Variants in NFILZ observed in about 807,000 individuals in gnomAD.
NFILZ encodes the protein NFIL3 like basic leucine zipper.
chr19:8,664,393 G>A (rs2043052030), intron 3 of NFILZ, among the ~76,000 whole-genome samples: 1 of 152,068 alleles, frequency 6.6e-6, no homozygotes, highest in Admixed American at 6.6e-5. Flanking sequence ...CCTGTTCCTG[G>A]CACTCGGGAC....
At chr19:8,652,998 TCCTTCCTTC>T (rs2042973401) in intron 3 of NFILZ, among the ~76,000 whole-genome samples, 19 of 26,032 alleles carry the variant, frequency 7.3e-4, no homozygotes, top group African/African-American at 2.5e-3. Flanking sequence ...CTTCCTTCCT[TCCTTCCTTC>T]CTTCCTTTCT....
chr19:8,676,623 C>A (rs2043111314), intron 5 of NFILZ, among the ~76,000 whole-genome samples, 128 bp from the exon 6 acceptor site: 1 of 152,214 alleles, frequency 6.6e-6, no homozygotes, highest in African/African-American at 2.4e-5. Context: ...GAACCTTGGT[C>A]TCCAGCTCAG....
chr19:8,646,007 G>A (rs2042937494), intron 3 of NFILZ, among the ~76,000 whole-genome samples: 1 of 152,094 alleles, frequency 6.6e-6, no homozygotes, highest in Non-Finnish European at 1.5e-5. Context: ...ACATTGTATA[G>A]CTCCTACTAC....
At chr19:8,650,733 A>G in intron 3 of NFILZ, among the ~76,000 whole-genome samples, 1 of 151,930 alleles carries the variant, frequency 6.6e-6, no homozygotes. Flanking sequence ...ATTGATGCTG[A>G]TAGAATATGA....
chr19:8,647,582 C>CT (rs1386380299), intron 3 of NFILZ, among the ~76,000 whole-genome samples: 1 of 147,978 alleles, frequency 6.8e-6, no homozygotes, highest in African/African-American at 2.5e-5. Context: ...CCGCACCCCC[C>CT]CCCCCAAAAA....
intron 3 of NFILZ, among the ~76,000 whole-genome samples, chr19:8,654,990 C>A (rs1555748173): frequency 6.6e-6 from 1 of 152,230 alleles, no homozygotes; most frequent in Non-Finnish European, 1.5e-5. Context: ...CAGGTTCCTG[C>A]CGACTCTTAC....
At chr19:8,651,928 T>C (rs2042966338) in intron 3 of NFILZ, among the ~76,000 whole-genome samples, 1 of 152,122 alleles carries the variant, frequency 6.6e-6, no homozygotes, top group African/African-American at 2.4e-5. Context: ...CTATCTACTT[T>C]CATTTGGAGA....
chr19:8,649,943 C>T (rs932472651), intron 3 of NFILZ, among the ~76,000 whole-genome samples: 6 of 151,620 alleles, frequency 4.0e-5, no homozygotes, highest in Admixed American at 2.0e-4. Context: ...GGTGAAACCC[C>T]GTCTGTACTA....
At chr19:8,667,660 G>C (rs2043068437) in intron 3 of NFILZ, among the ~76,000 whole-genome samples, 1 of 152,054 alleles carries the variant, frequency 6.6e-6, no homozygotes, top group Non-Finnish European at 1.5e-5. Flanking sequence ...TGATTCTCCT[G>C]CCTCAGCCTC....
intron 3 of NFILZ, among the ~76,000 whole-genome samples, chr19:8,652,969 C>CTCCT (rs1207071930): frequency 9.6e-5 from 11 of 114,022 alleles, no homozygotes; most frequent in African/African-American, 3.7e-4. Flanking sequence ...CCTTCCTTCC[C>CTCCT]TCCTTCCTTC....
At chr19:8,640,060 C>T (rs942818665) in intron 3 of NFILZ, among the ~76,000 whole-genome samples, 1 of 152,080 alleles carries the variant, frequency 6.6e-6, no homozygotes, top group Non-Finnish European at 1.5e-5. Flanking sequence ...CTGTGGGAAG[C>T]CTGGTGCCCT....
intron 3 of NFILZ, among the ~76,000 whole-genome samples, chr19:8,640,936 A>G (rs1432079181): frequency 1.3e-5 from 2 of 151,954 alleles, no homozygotes; most frequent in African/African-American, 4.9e-5. Context: ...TCAAGCCTGG[A>G]AGAAGACCAG....
chr19:8,633,942 CCT>C (rs2042883127), intron 2 of NFILZ, among the ~76,000 whole-genome samples: 3 of 135,124 alleles, frequency 2.2e-5, no homozygotes, highest in African/African-American at 5.6e-5. Context: ...TTCCTTCCTT[CCT>C]TCCCTCCCTT....
chr19:8,648,023 A>T (rs1293582907), intron 3 of NFILZ, among the ~76,000 whole-genome samples: 2 of 151,670 alleles, frequency 1.3e-5, no homozygotes, highest in South Asian at 2.1e-4. Context: ...ATACAAAAAA[A>T]ATTAGCCGGG....
intron 3 of NFILZ, among the ~76,000 whole-genome samples, chr19:8,637,930 A>AG (rs1568417300): frequency 6.7e-6 from 1 of 149,324 alleles, no homozygotes; most frequent in East Asian, 1.9e-4. Context: ...AAAAAAAAAA[A>AG]AAAAGAAAAG....
intron 3 of NFILZ, among the ~76,000 whole-genome samples, chr19:8,651,731 CGAT>C (rs1401574105): frequency 2.0e-5 from 3 of 151,972 alleles, no homozygotes; most frequent in South Asian, 4.2e-4. Context: ...GGGGATCTCA[CGAT>C]GTTTTCCAGG....
rs2043125961 is a variant in NFILZ, at chr19:8,678,155, A to ATCCG, written c.*523_*524insGTCC. On this transcript the variant is annotated 3_prime_UTR_variant, in exon 6 of 6. Coordinates refer to ENST00000691075, the MANE Select transcript of NFILZ (RefSeq NM_001378600.1). Reference sequence around the variant, plus strand: ...CATCCATTCATCCACTTGTCCGTCCATCCATCCATCCATCCATCCATCCAT... The same window carrying ATCCG: ...CATCCATTCATCCACTTGTCCGTCCATCCGTCCATCCATCCATCCATCCATCCAT... Among the ~76,000 whole-genome samples the ATCCG allele has an allele frequency of 1.1e-4, 1 of 8,892 alleles. No individual in the cohort carries two copies. The highest frequency in any genetic ancestry group is 2.4e-4 in the Non-Finnish European group (1 of 4,088). The allele number at this position is 8,892 out of a possible 152,430, so 5.8% of individuals were successfully genotyped here.
chr19:8,666,914 T>C (rs1404967068), intron 3 of NFILZ, among the ~76,000 whole-genome samples: 2 of 54,510 alleles, frequency 3.7e-5, no homozygotes, highest in African/African-American at 2.8e-4. Flanking sequence ...TTTGAAAACT[T>C]TTTTTTTTTT....
chr19:8,663,636 A>G (rs2043043112), intron 3 of NFILZ, among the ~76,000 whole-genome samples: 1 of 151,920 alleles, frequency 6.6e-6, no homozygotes, highest in Non-Finnish European at 1.5e-5. Flanking sequence ...ATGTCCCACG[A>G]ATGCTGAGTT....
Sources: allele counts gnomAD v4.1 joint callset (sites outside exome capture counted in the v4.1 genomes callset), GRCh38; gene constraint gnomAD v4.1.1; transcripts MANE v1.5; gene names NCBI Gene and HGNC (gene_info 2026-07-23, HGNC 2026-07-21).